Variants in ZNF804B observed in about 807,000 individuals in gnomAD.
ZNF804B encodes the protein zinc finger 804B.
Under a neutral mutation model 101.4 loss-of-function variants are expected in ZNF804B, and 80 were observed. The ratio of observed to expected loss-of-function variants is 0.79; its 90% CI spans 0.66 to 0.95. ZNF804B has a LOEUF of 0.95. ZNF804B is among the 40% of genes least tolerant of loss of function. ZNF804B has a pLI of 0.00. For synonymous variants in ZNF804B, 622 were observed against 558.8 expected, an observed-to-expected ratio of 1.11 and a Z score of -1.59; for missense variants, 1,673 against 1,561.9, an observed-to-expected ratio of 1.07 and a Z score of -1.20.
At chr7:89,290,773 C>A (rs554824707) in intron 2 of ZNF804B, among the ~76,000 whole-genome samples, 6 of 152,118 alleles carry the variant, frequency 3.9e-5, no homozygotes, top group Non-Finnish European at 8.8e-5. Flanking sequence ...GATGGCATCA[C>A]TTCTGAGAGC....
chr7:89,331,556 T>C (rs541378335), intron 3 of ZNF804B, among the ~76,000 whole-genome samples: 1 of 151,850 alleles, frequency 6.6e-6, no homozygotes, highest in Non-Finnish European at 1.5e-5. Context: ...TTTAGTTTTT[T>C]ACAAGATTTA....
chr7:88,778,859 G>A (rs1397918413), intron 1 of ZNF804B, among the ~76,000 whole-genome samples: 3 of 152,158 alleles, frequency 2.0e-5, no homozygotes, highest in Non-Finnish European at 4.4e-5. Context: ...TGCTCCAATG[G>A]AATGTGCAGT....
intron 1 of ZNF804B, among the ~76,000 whole-genome samples, chr7:88,989,766 C>T (rs964102118): frequency 6.6e-6 from 1 of 152,088 alleles, no homozygotes; most frequent in Non-Finnish European, 1.5e-5. Context: ...TAATTAATGA[C>T]ATGGCATCAT....
chr7:89,099,329 G>A (rs1378057534), intron 1 of ZNF804B, among the ~76,000 whole-genome samples: 2 of 151,856 alleles, frequency 1.3e-5, no homozygotes, highest in African/African-American at 2.4e-5. Flanking sequence ...TATAATAAAA[G>A]GGGAAGAAAA....
chr7:88,790,952 G>A (rs1374869769), intron 1 of ZNF804B, among the ~76,000 whole-genome samples: 1 of 152,008 alleles, frequency 6.6e-6, no homozygotes, highest in Non-Finnish European at 1.5e-5. Context: ...CATTATATCA[G>A]TGACCTATAT....
At chr7:89,261,922 C>T (rs535617941) in intron 2 of ZNF804B, among the ~76,000 whole-genome samples, 14 of 152,232 alleles carry the variant, frequency 9.2e-5, no homozygotes, top group East Asian at 5.8e-4. Context: ...CATTTGAATC[C>T]GCTTTTCATC....
intron 1 of ZNF804B, among the ~76,000 whole-genome samples, chr7:89,050,098 A>G (rs1789175018): frequency 6.6e-6 from 1 of 152,170 alleles, no homozygotes; most frequent in African/African-American, 2.4e-5. Context: ...GTTTACCACA[A>G]TTTGGCTCTT....
chr7:89,109,930 T>C (rs1790190760), intron 1 of ZNF804B, among the ~76,000 whole-genome samples: 2 of 152,278 alleles, frequency 1.3e-5, no homozygotes, highest in African/African-American at 4.8e-5. Context: ...ATTATATAAC[T>C]ATTTGGGCCA....
intron 1 of ZNF804B, among the ~76,000 whole-genome samples, chr7:88,951,627 A>G (rs1012568745): frequency 2.6e-5 from 4 of 151,932 alleles, no homozygotes; most frequent in Admixed American, 6.6e-5. Flanking sequence ...GAAGTTCAAC[A>G]TCTTTATTAC....
intron 2 of ZNF804B, among the ~76,000 whole-genome samples, chr7:89,313,027 A>T (rs1790667352): frequency 6.6e-6 from 1 of 152,218 alleles, no homozygotes; most frequent in Admixed American, 6.5e-5. Context: ...TGATAAAAAC[A>T]CTTTCTAACA....
At chr7:88,934,177 T>C (rs1301530548) in intron 1 of ZNF804B, among the ~76,000 whole-genome samples, 3 of 151,974 alleles carry the variant, frequency 2.0e-5, no homozygotes, top group Non-Finnish European at 4.4e-5. Flanking sequence ...GGATAATCTA[T>C]TCAATAAATG....
At chr7:88,832,732 G>A (rs931220181) in intron 1 of ZNF804B, among the ~76,000 whole-genome samples, 2 of 151,902 alleles carry the variant, frequency 1.3e-5, no homozygotes, top group Admixed American at 1.3e-4. Flanking sequence ...GCTGACTTCA[G>A]TCATTGCTGT....
intron 1 of ZNF804B, among the ~76,000 whole-genome samples, chr7:88,836,970 A>G (rs534518568): frequency 4.4e-4 from 67 of 152,064 alleles, no homozygotes; most frequent in Middle Eastern, 3.4e-3. Flanking sequence ...AGGGAGGGCA[A>G]AACTATTTTC....
chr7:88,773,434 A>G (rs1586896698), intron 1 of ZNF804B, among the ~76,000 whole-genome samples: 1 of 152,332 alleles, frequency 6.6e-6, no homozygotes, highest in East Asian at 1.9e-4. Flanking sequence ...TCAATCAATC[A>G]TACATTCAAC....
At chr7:89,242,619 A>G (rs1789387967) in intron 2 of ZNF804B, among the ~76,000 whole-genome samples, 1 of 151,784 alleles carries the variant, frequency 6.6e-6, no homozygotes, top group Non-Finnish European at 1.5e-5. Context: ...TTTAGGTCAT[A>G]TTATACATTG....
intron 1 of ZNF804B, among the ~76,000 whole-genome samples, chr7:88,921,988 A>T (rs866316614): frequency 6.6e-6 from 1 of 152,070 alleles, no homozygotes; most frequent in Non-Finnish European, 1.5e-5. Flanking sequence ...TTTAAAATTG[A>T]TTCTTCTAAC....
intron 1 of ZNF804B, among the ~76,000 whole-genome samples, chr7:89,217,020 C>T (rs565835940): frequency 1.1e-4 from 16 of 152,198 alleles, no homozygotes; most frequent in Middle Eastern, 3.4e-3. Context: ...CATTAATTTG[C>T]GTAGTGCATA....
chr7:88,768,468 A>G (rs1790016354), intron 1 of ZNF804B, among the ~76,000 whole-genome samples: 2 of 152,340 alleles, frequency 1.3e-5, no homozygotes, highest in South Asian at 4.1e-4. Context: ...CTTTAATCCT[A>G]GCACTTTGGG....
chr7:88,862,651 T>C (rs1791666768), intron 1 of ZNF804B, among the ~76,000 whole-genome samples: 1 of 152,198 alleles, frequency 6.6e-6, no homozygotes, highest in Non-Finnish European at 1.5e-5. Flanking sequence ...TTTTGCATGG[T>C]ATTGACTAAG....
Sources: gnomAD v4.1 joint callset for allele counts (sites outside exome capture counted in the v4.1 genomes callset) on GRCh38, gnomAD v4.1.1 for gene constraint, MANE v1.5 for transcripts, NCBI Gene and HGNC (gene_info 2026-07-23, HGNC 2026-07-21) for gene names.